NEGR1: variants seen among roughly 807,000 people sequenced by gnomAD.
NEGR1 encodes IgLON family member 4.
A neutral mutation model predicts 40.9 loss-of-function variants in NEGR1; 10 were observed. That is an observed-to-expected ratio of 0.24 (90% CI 0.15 to 0.42). NEGR1 has a LOEUF of 0.42. Among genes scored for constraint, NEGR1 ranks in the 10% least tolerant of loss-of-function variants. NEGR1 has a pLI of 1.00. For synonymous variants in NEGR1, 185 were observed against 166.8 expected (o/e 1.11, Z -0.84); for missense variants, 352 against 438.9 (o/e 0.80, Z 1.77).
At chr1:72,071,074 GA>G (rs1257451893) in intron 1 of NEGR1, among the ~76,000 whole-genome samples, 2 of 151,866 alleles carry the variant, frequency 1.3e-5, no homozygotes, top group Non-Finnish European at 1.5e-5. Context: ...AAATTAAACA[GA>G]AGATTCAATT....
At chr1:72,125,008 TCTAA>T (rs1214917166) in intron 1 of NEGR1, among the ~76,000 whole-genome samples, 3 of 152,118 alleles carry the variant, frequency 2.0e-5, no homozygotes, top group Non-Finnish European at 4.4e-5. Context: ...CAAAAGTTAC[TCTAA>T]CTTACTTAGT....
intron 6 of NEGR1, 45 bp downstream of exon 6, chr1:71,592,772 G>T (rs1256581357): frequency 3.9e-6 from 6 of 1,531,248 alleles, no homozygotes; most frequent in Non-Finnish European, 4.5e-6. Context: ...ATGGATAGGG[G>T]CCCAGAGGCC....
At chr1:72,173,475 C>T (rs1176851523) in intron 1 of NEGR1, among the ~76,000 whole-genome samples, 2 of 151,218 alleles carry the variant, frequency 1.3e-5, no homozygotes, top group Non-Finnish European at 2.9e-5. Flanking sequence ...TTAGAATAAG[C>T]GTTTGAAAAG....
At chr1:71,922,340 G>T (rs1258101465) in intron 2 of NEGR1, among the ~76,000 whole-genome samples, 2 of 152,172 alleles carry the variant, frequency 1.3e-5, no homozygotes, top group African/African-American at 4.8e-5. Flanking sequence ...AACATAGTAG[G>T]CTGGGAATGC....
intron 6 of NEGR1, among the ~76,000 whole-genome samples, chr1:71,467,739 A>G (rs1236818439): frequency 6.6e-6 from 1 of 152,012 alleles, no homozygotes; most frequent in Admixed American, 6.6e-5. Flanking sequence ...TGTCAAAATC[A>G]TAGCTATTTG....
intron 2 of NEGR1, among the ~76,000 whole-genome samples, chr1:71,819,731 G>T (rs191015970): frequency 6.6e-6 from 1 of 151,912 alleles, no homozygotes. Context: ...TATGTCAAAG[G>T]GGGGATAAAA....
intron 1 of NEGR1, among the ~76,000 whole-genome samples, chr1:72,203,730 C>T (rs1311392116): frequency 1.3e-5 from 2 of 152,020 alleles, no homozygotes; most frequent in Non-Finnish European, 2.9e-5. Flanking sequence ...TGTCAAACTT[C>T]ATTATCCTCT....
intron 3 of NEGR1, among the ~76,000 whole-genome samples, chr1:71,753,319 T>C (rs564751088): frequency 6.6e-6 from 1 of 152,294 alleles, no homozygotes; most frequent in South Asian, 2.1e-4. Flanking sequence ...CATTCAAATA[T>C]ATTAGGCACA....
At chr1:71,669,820 T>G (rs1652359859) in intron 4 of NEGR1, among the ~76,000 whole-genome samples, 1 of 151,332 alleles carries the variant, frequency 6.6e-6, no homozygotes, top group Non-Finnish European at 1.5e-5. Flanking sequence ...TCAGTTAATT[T>G]TTGTATTTTT....
chr1:72,132,853 C>A (rs946609305), intron 1 of NEGR1, among the ~76,000 whole-genome samples: 2 of 152,042 alleles, frequency 1.3e-5, no homozygotes, highest in Admixed American at 1.3e-4. Flanking sequence ...AAAGTTATGA[C>A]TAATCAAGAG....
intron 2 of NEGR1, among the ~76,000 whole-genome samples, chr1:71,809,005 C>A (rs536912828): frequency 3.3e-5 from 5 of 151,972 alleles, no homozygotes; most frequent in African/African-American, 4.8e-5. Flanking sequence ...TGATTAGATC[C>A]TTAGTTGCAT....
chr1:71,784,143 C>A (rs1656821537), intron 2 of NEGR1, among the ~76,000 whole-genome samples: 1 of 152,068 alleles, frequency 6.6e-6, no homozygotes, highest in South Asian at 2.1e-4. Flanking sequence ...TTCCCACACC[C>A]AGCTAATCAT....
chr1:71,690,469 C>A (rs1375460034), intron 4 of NEGR1, among the ~76,000 whole-genome samples: 4 of 151,376 alleles, frequency 2.6e-5, no homozygotes, highest in Non-Finnish European at 4.4e-5. Flanking sequence ...GCAAAAGGCA[C>A]CCTGCGATGA....
intron 1 of NEGR1, among the ~76,000 whole-genome samples, chr1:72,026,819 C>CAGCA (rs1646814605): frequency 6.6e-6 from 1 of 152,144 alleles, no homozygotes; most frequent in African/African-American, 2.4e-5. Flanking sequence ...CTACCCTCTC[C>CAGCA]ATCAATCCTT....
At chr1:71,527,457 T>C (rs1569988360) in intron 6 of NEGR1, among the ~76,000 whole-genome samples, 1 of 150,926 alleles carries the variant, frequency 6.6e-6, no homozygotes, top group East Asian at 2.0e-4. Flanking sequence ...CCATGGGTAA[T>C]CAGGCATATG....
chr1:71,569,429 G>GA (rs1451433565), intron 6 of NEGR1, among the ~76,000 whole-genome samples: 1 of 152,020 alleles, frequency 6.6e-6, no homozygotes, highest in Admixed American at 6.6e-5. Context: ...TTAGAAGAGA[G>GA]AAAAAACTCT....
intron 2 of NEGR1, among the ~76,000 whole-genome samples, chr1:71,784,158 G>T (rs945812325): frequency 6.6e-6 from 1 of 152,082 alleles, no homozygotes; most frequent in African/African-American, 2.4e-5. Context: ...AATCATCAGG[G>T]ATAACCGGAT....
chr1:71,869,976 TTC>T (rs914723476), intron 2 of NEGR1, among the ~76,000 whole-genome samples: 1 of 150,878 alleles, frequency 6.6e-6, no homozygotes, highest in Non-Finnish European at 1.5e-5. Flanking sequence ...ACCTCCCGGG[TTC>T]ATGTGATTTT....
At chr1:71,874,968 C>T (rs6703163) in intron 2 of NEGR1, among the ~76,000 whole-genome samples, 21,464 of 152,004 alleles carry the variant, frequency 0.14, 1,566 homozygotes, top group African/African-American at 0.18. Flanking sequence ...CCTCAGCCTC[C>T]TGAGTAGCTG....
Sources: allele counts gnomAD v4.1 joint callset (sites outside exome capture counted in the v4.1 genomes callset), GRCh38; gene constraint gnomAD v4.1.1; transcripts MANE v1.5; gene names NCBI Gene and HGNC (gene_info 2026-07-23, HGNC 2026-07-21).